Variants in REPS2 observed in about 807,000 individuals in gnomAD.
The protein encoded by REPS2 is RALBP1 associated Eps domain containing 2.
REPS2 carries 23 observed loss-of-function variants against 53.6 expected under a neutral mutation model. That is an observed-to-expected ratio of 0.43 (90% CI 0.31 to 0.61). The LOEUF is 0.61. Among genes scored for constraint, REPS2 ranks in the 20% least tolerant of loss-of-function variants. The pLI, the probability that REPS2 is intolerant of heterozygous loss-of-function variation, is 0.11. For missense variants in REPS2, 446 were observed against 534.9 expected, an observed-to-expected ratio of 0.83 and a Z score of 1.64; for synonymous variants, 238 against 218.6, an observed-to-expected ratio of 1.09 and a Z score of -0.78.
chrX:17,059,225 T>C (rs1231581401), intron 8 of REPS2, among the ~76,000 whole-genome samples: 3 of 108,005 alleles, frequency 2.8e-5, no homozygotes, highest in Non-Finnish European at 1.9e-5. Context: ...TTAGCCAAGA[T>C]GGTCTTGATC....
In REPS2 at chrX:17,077,514, G is replaced by A. The variant is rs2062398349; in HGVS notation, c.1516+107G>A. The A allele has an allele frequency of 4.8e-6, 4 of 841,304 alleles. No individual in the cohort carries two copies. The South Asian group carries it at 1.3e-4, about 27-fold the overall frequency. The allele number at this position is 841,304 out of a possible 1,213,427, so 69.3% of individuals were successfully genotyped here. A position where few individuals can be genotyped will look rare whatever the true frequency, so the allele number is the denominator to read the frequency against. ...GTCCGGAGAAAGAGCAGACCTGGCA[G>A]TTTCGCATTCCGTGAAGGTCTTCAC... On this transcript the variant is annotated intron_variant, in intron 13 of 17. Coordinates refer to ENST00000357277, the MANE Select transcript of REPS2 (RefSeq NM_004726.3).
At chrX:17,117,948 C>CTTTTTTTTTTT (rs145872769) in intron 14 of REPS2, among the ~76,000 whole-genome samples, 1 of 31,007 alleles carries the variant, frequency 3.2e-5, no homozygotes, top group Non-Finnish European at 5.2e-5. Flanking sequence ...TGTTTCCTGA[C>CTTTTTTTTTTT]TTTTTTTTTT....
intron 13 of REPS2, 88 bp downstream of exon 13, chrX:17,077,495 A>G: frequency 1.0e-6 from 1 of 954,650 alleles, no homozygotes; most frequent in Non-Finnish European, 1.4e-6. Context: ...GTGAGTCCGG[A>G]GAAAGAGCAG....
the REPS2 span, among the ~76,000 whole-genome samples, chrX:17,196,069 A>G: frequency 1.8e-5 from 2 of 111,581 alleles, no homozygotes; most frequent in Non-Finnish European, 3.8e-5. Flanking sequence ...GGAGGAGGAG[A>G]AGGAGAAGAA....
At chrX:17,144,589 T>G (rs1278485091) in intron 17 of REPS2, among the ~76,000 whole-genome samples, 1 of 112,375 alleles carries the variant, frequency 8.9e-6, no homozygotes, top group African/African-American at 3.2e-5. Context: ...GAAGAATCAT[T>G]GAAACAGAAC....
At chrX:16,980,265 C>T (rs2061005028) in intron 1 of REPS2, among the ~76,000 whole-genome samples, 2 of 108,430 alleles carry the variant, frequency 1.8e-5, no homozygotes, top group Non-Finnish European at 3.8e-5. Flanking sequence ...CATGCCACCA[C>T]GGCCCGGCTA....
chrX:17,012,380 A>AAACAAC (rs370794081), intron 2 of REPS2, among the ~76,000 whole-genome samples: 14,760 of 101,784 alleles, frequency 0.15, 1,028 homozygotes, highest in African/African-American at 0.25. Flanking sequence ...TGCCATCTCA[A>AAACAAC]AACAACAACA....
chrX:17,080,873 T>C (rs1188134202), intron 13 of REPS2, among the ~76,000 whole-genome samples: 3 of 111,746 alleles, frequency 2.7e-5, no homozygotes, highest in African/African-American at 9.8e-5. Context: ...ACTTCTTTCT[T>C]CTTCATTTTG....
Position 17,133,835 on chromosome X carries a change from G to A in REPS2, c.1590G>A (p.Val530=), listed in dbSNP as rs145446587. Residue 530 remains valine, a synonymous_variant, in exon 15 of 18, where the codon GTG becomes GTA. Transcript: ENST00000357277. ...ATCTCTTGCTACAGTCTGAACAAGT[G>A]TCGGAGGCCGAGTTACTCCCACAGC... is the stretch of plus-strand genomic sequence containing the variant. ...PRPCPSQSEQ[V]SEAELLPQLS... 17 of 1,208,412 alleles carry A rather than the reference G, an allele frequency of 1.4e-5. No individual in the cohort carries two copies. The African/African-American group carries it at 3.0e-4, about 21-fold the overall frequency.
chrX:17,110,552 C>A (rs986578546), intron 14 of REPS2, among the ~76,000 whole-genome samples: 1 of 104,464 alleles, frequency 9.6e-6, no homozygotes, highest in South Asian at 4.2e-4. Context: ...ATTAGCCGGG[C>A]GGGGTGGCAG....
chrX:17,009,936 G>A, intron 2 of REPS2, among the ~76,000 whole-genome samples: 1 of 110,936 alleles, frequency 9.0e-6, no homozygotes, highest in South Asian at 3.9e-4. Flanking sequence ...AGTCTCAGTG[G>A]CCTTCTAGCC....
chrX:16,966,366 C>T (rs1177676195), intron 1 of REPS2, among the ~76,000 whole-genome samples: 1 of 111,975 alleles, frequency 8.9e-6, no homozygotes, highest in Non-Finnish European at 1.9e-5. Flanking sequence ...TATCTCATAT[C>T]TGAAATGCTT....
At chrX:17,136,290 A>G (rs2063364987) in intron 16 of REPS2, 1 of 112,386 alleles carries the variant, frequency 8.9e-6, no homozygotes, top group African/African-American at 3.2e-5. Flanking sequence ...CTTTGAAGCC[A>G]AAGTCCCATT....
the REPS2 span, among the ~76,000 whole-genome samples, chrX:17,161,714 T>A: frequency 9.0e-6 from 1 of 111,464 alleles, no homozygotes. Context: ...TCAGTGTTAT[T>A]TTAAGCCACT....
chrX:17,028,696 G>A (rs2061675377), intron 4 of REPS2, among the ~76,000 whole-genome samples: 2 of 112,378 alleles, frequency 1.8e-5, no homozygotes, highest in South Asian at 7.3e-4. Context: ...AGGCTGCTCT[G>A]CTCTCTACCT....
chrX:17,062,377 G>A (rs1008885283), intron 8 of REPS2, 61 bp from the exon 9 acceptor site: 15 of 877,982 alleles, frequency 1.7e-5, no homozygotes, highest in South Asian at 1.6e-4. Context: ...AAGCTGATGG[G>A]AAACACTGAT....
At chrX:17,009,058 G>C (rs750239681) in intron 2 of REPS2, among the ~76,000 whole-genome samples, 27 of 111,828 alleles carry the variant, frequency 2.4e-4, no homozygotes, top group Non-Finnish European at 5.1e-4. Flanking sequence ...CTTTGTCCCT[G>C]CTAGACCAGA....
downstream of REPS2, among the ~76,000 whole-genome samples, chrX:17,157,027 G>A (rs1428424082): frequency 3.6e-5 from 4 of 111,524 alleles, no homozygotes; most frequent in Non-Finnish European, 7.5e-5. Flanking sequence ...AGGCATTTGT[G>A]TGTATGTGTA....
chrX:17,066,539 T>A (rs1015353961), intron 9 of REPS2, among the ~76,000 whole-genome samples: 16 of 112,588 alleles, frequency 1.4e-4, no homozygotes, highest in Non-Finnish European at 2.8e-4. Flanking sequence ...AATGCACTGT[T>A]ATGATACATT....
Sources: gnomAD v4.1 joint callset for allele counts (sites outside exome capture counted in the v4.1 genomes callset) on GRCh38, gnomAD v4.1.1 for gene constraint, MANE v1.5 for transcripts, NCBI Gene and HGNC (gene_info 2026-07-23, HGNC 2026-07-21) for gene names.